PLCB1: variants seen among roughly 807,000 people sequenced by gnomAD.
PLCB1 encodes 1-phosphatidylinositol 4,5-bisphosphate phosphodiesterase beta-1.
Under a neutral mutation model 161.8 loss-of-function variants are expected in PLCB1, and 46 were observed. That is an observed-to-expected ratio of 0.28 (90% CI 0.22 to 0.36). The LOEUF is 0.36. Ranked by LOEUF, PLCB1 falls within the 10% of genes least tolerant of loss-of-function variation. The pLI is 1.00. For synonymous variants in PLCB1, 517 were observed against 503.7 expected, an observed-to-expected ratio of 1.03 and a Z score of -0.35; for missense variants, 1,016 against 1,472.5, an observed-to-expected ratio of 0.69 and a Z score of 5.07.
intron 2 of PLCB1, among the ~76,000 whole-genome samples, chr20:8,229,859 A>AAAATAAAAT (rs1555791652): frequency 0.055 from 4,197 of 76,048 alleles, 236 homozygotes; most frequent in African/African-American, 0.12. Flanking sequence ...CCCATCTCAT[A>AAAATAAAAT]AAATAAAATA....
intron 2 of PLCB1, among the ~76,000 whole-genome samples, chr20:8,254,868 T>C (rs1306572154): frequency 6.6e-6 from 1 of 152,056 alleles, no homozygotes. Context: ...TACCTAGAAT[T>C]GAACTTAATT....
rs1300013549 is a variant in PLCB1 at position 8,628,234 on chromosome 20, T to G, written c.247-60T>G. 1.1e-5 allele frequency: 14 copies of G among 1,264,992 alleles called. No homozygotes were observed. The East Asian group carries it at 3.3e-4, about 29-fold the overall frequency. 78.4% of individuals were successfully genotyped at this position (1,264,992 alleles called of 1,614,324 possible). On this transcript the variant is annotated intron_variant, in intron 3 of 31. Transcript: ENST00000338037. ...ATTCTAACTCAACAGAAGTTGAAGTTATGCTATCACGTTGGAATCTCTAGT... is the reference window on the plus strand; with the variant it reads ...ATTCTAACTCAACAGAAGTTGAAGTGATGCTATCACGTTGGAATCTCTAGT...
At chr20:8,391,053 T>C (rs1016886123) in intron 3 of PLCB1, among the ~76,000 whole-genome samples, 1 of 151,984 alleles carries the variant, frequency 6.6e-6, no homozygotes, top group Non-Finnish European at 1.5e-5. Context: ...ATAACTTACA[T>C]GTATGTGATG....
At chr20:8,587,881 A>G (rs1987037683) in intron 3 of PLCB1, among the ~76,000 whole-genome samples, 1 of 152,210 alleles carries the variant, frequency 6.6e-6, no homozygotes, top group African/African-American at 2.4e-5. Context: ...ACAGTACATA[A>G]CTGTAAAATA....
At chr20:8,349,047 T>C (rs1986090866) in intron 2 of PLCB1, among the ~76,000 whole-genome samples, 2 of 152,074 alleles carry the variant, frequency 1.3e-5, no homozygotes, top group Admixed American at 1.3e-4. Context: ...CACACATAAA[T>C]ATATACATAT....
chr20:8,345,927 G>T (rs565749770), intron 2 of PLCB1, among the ~76,000 whole-genome samples: 2 of 152,236 alleles, frequency 1.3e-5, no homozygotes, highest in South Asian at 4.2e-4. Context: ...ATCTAAACTG[G>T]CAGAAGAGAG....
intron 9 of PLCB1, among the ~76,000 whole-genome samples, chr20:8,675,051 C>T (rs1040810111): frequency 6.6e-6 from 1 of 152,026 alleles, no homozygotes; most frequent in Non-Finnish European, 1.5e-5. Context: ...ACATGACAGA[C>T]TTAGGGTACA....
In PLCB1 at chr20:8,609,163, A is replaced by G. The variant is rs78784028; in HGVS notation, c.247-19131A>G. Among the ~76,000 whole-genome samples the G allele has an allele frequency of 7.7e-3, 1,172 of 152,292 alleles. 13 individuals carry two copies. The highest frequency in any genetic ancestry group is 0.027 in the African/African-American group (1,106 of 41,558). On this transcript the variant is annotated intron_variant, in intron 3 of 31. Coordinates refer to ENST00000338037, the MANE Select transcript of PLCB1 (RefSeq NM_015192.4). ...AGCAAAAATAGTCTTAGCTATTGGA[A>G]ATGAGGCTACAGATTTTATTAGGTT...
chr20:8,686,672 C>T (rs1990367208), intron 10 of PLCB1, among the ~76,000 whole-genome samples: 1 of 152,134 alleles, frequency 6.6e-6, no homozygotes, highest in Non-Finnish European at 1.5e-5. Flanking sequence ...ATCGCGGCTG[C>T]CATTCTCCTT....
At position 8,883,898 on chromosome 20, in the gene PLCB1, A is replaced by C. The variant is rs1988083843; in HGVS notation, c.*2049A>C. ...TCATAAAGAAGCAAGAATGGTCAAA[A>C]TCGAATGCTGCATTTTTATAAACAA... On this transcript the variant is annotated 3_prime_UTR_variant, in exon 32 of 32. Transcript: ENST00000338037. 1 of 152,588 alleles carries C rather than the reference A, an allele frequency of 6.6e-6. No individual in the cohort carries two copies. The highest frequency in any genetic ancestry group is 6.6e-5 in the Admixed American group (1 of 15,266). 9.5% of individuals were successfully genotyped at this position (152,588 alleles called of 1,614,324 possible). A position where few individuals can be genotyped will look rare whatever the true frequency, so the allele number is the denominator to read the frequency against.
At chr20:8,663,443 A>G (rs917770081) in intron 9 of PLCB1, among the ~76,000 whole-genome samples, 4 of 152,132 alleles carry the variant, frequency 2.6e-5, no homozygotes, top group Admixed American at 6.6e-5. Context: ...AAAGCCGACC[A>G]TAGTTTAGCT....
intron 2 of PLCB1, among the ~76,000 whole-genome samples, chr20:8,167,558 A>C (rs1410245151): frequency 6.6e-6 from 1 of 152,198 alleles, no homozygotes; most frequent in Non-Finnish European, 1.5e-5. Flanking sequence ...ATCACTTCTA[A>C]AAGGAAAGTA....
At chr20:8,541,600 G>GAAAGAAAGAAATAAATAAAGAAAT (rs1292981718) in intron 3 of PLCB1, among the ~76,000 whole-genome samples, 1 of 150,646 alleles carries the variant, frequency 6.6e-6, no homozygotes, top group African/African-American at 2.4e-5. Flanking sequence ...AAGAAAGAAA[G>GAAAGAAAGAAATAAATAAAGAAAT]AAAGAAAGGA....
At chr20:8,716,139 A>C in intron 12 of PLCB1, 125 bp from the exon 13 acceptor site, 1 of 696,044 alleles carries the variant, frequency 1.4e-6, no homozygotes, top group Non-Finnish European at 2.5e-6. Context: ...GGATGATAAA[A>C]ACCAATCCTG....
chr20:8,536,564 C>T (rs932453087), intron 3 of PLCB1, among the ~76,000 whole-genome samples: 1 of 152,106 alleles, frequency 6.6e-6, no homozygotes, highest in Non-Finnish European at 1.5e-5. Flanking sequence ...AAGCTGAAGT[C>T]ATCTGAAGGC....
chr20:8,196,597 T>G (rs886070919), intron 2 of PLCB1, among the ~76,000 whole-genome samples: 1 of 151,552 alleles, frequency 6.6e-6, no homozygotes, highest in Non-Finnish European at 1.5e-5. Context: ...TCAAGTATTC[T>G]TTGATGGTCA....
intron 2 of PLCB1, among the ~76,000 whole-genome samples, chr20:8,205,316 G>A (rs1412519796): frequency 6.6e-6 from 1 of 152,020 alleles, no homozygotes; most frequent in Admixed American, 6.6e-5. Flanking sequence ...TATACATTCT[G>A]TGAAATACTT....
At chr20:8,692,976 A>G (rs1307050097) in intron 10 of PLCB1, among the ~76,000 whole-genome samples, 1 of 152,166 alleles carries the variant, frequency 6.6e-6, no homozygotes, top group African/African-American at 2.4e-5. Flanking sequence ...AGAAGAATCA[A>G]GATTTACCCC....
At chr20:8,361,469 G>A (rs977264442) in intron 2 of PLCB1, among the ~76,000 whole-genome samples, 11 of 152,076 alleles carry the variant, frequency 7.2e-5, no homozygotes, top group Admixed American at 3.9e-4. Flanking sequence ...GAATCACCCA[G>A]CACAGATTGT....
Sources: allele counts gnomAD v4.1 joint callset (sites outside exome capture counted in the v4.1 genomes callset), GRCh38; gene constraint gnomAD v4.1.1; transcripts MANE v1.5; gene names NCBI Gene and HGNC (gene_info 2026-07-23, HGNC 2026-07-21).